Variants in ECE1 observed in about 807,000 individuals in gnomAD.
ECE1 encodes endothelin converting enzyme 1, also known as endothelin-converting enzyme 1.
ECE1 carries 35 observed loss-of-function variants against 98.6 expected under a neutral mutation model. The ratio of observed to expected loss-of-function variants is 0.35; its 90% CI spans 0.27 to 0.47. The LOEUF is 0.47. Among genes scored for constraint, ECE1 ranks in the 20% least tolerant of loss-of-function variants. The pLI is 1.00. For synonymous variants in ECE1, 394 were observed against 407.1 expected, an observed-to-expected ratio of 0.97 and a Z score of 0.39; for missense variants, 814 against 1,025.3, an observed-to-expected ratio of 0.79 and a Z score of 2.81.
chr1:21,259,921 T>C (rs2098224546), intron 5 of ECE1, among the ~76,000 whole-genome samples: 1 of 152,004 alleles, frequency 6.6e-6, no homozygotes, highest in Non-Finnish European at 1.5e-5. Flanking sequence ...ACATAACCCC[T>C]GAGGAAAAAA....
chr1:21,301,468 C>T (rs1488591401), intron 1 of ECE1, among the ~76,000 whole-genome samples: 1 of 151,836 alleles, frequency 6.6e-6, no homozygotes. Flanking sequence ...GCACTCCAGC[C>T]TGGGCGACAG....
At chr1:21,261,100 C>G (rs1193115815) in intron 4 of ECE1, among the ~76,000 whole-genome samples, 3 of 152,218 alleles carry the variant, frequency 2.0e-5, no homozygotes, top group Non-Finnish European at 1.5e-5. Flanking sequence ...ATGACCGCTT[C>G]CTGCCACTCA....
rs75379606 is a variant in ECE1, at chr1:21,263,221, T to G, written c.494-2829A>C. 2.0e-5 allele frequency among the ~76,000 whole-genome samples: 3 copies of G among 152,234 alleles called. No individual in the cohort carries two copies. The East Asian group carries it at 5.8e-4, about 29-fold the overall frequency. ...CTGCAGCCCCAGAACCAGCCCTGGA[T>G]AGGGACCTAGTAGGCCCCTAGCAAC... On this transcript the variant is annotated intron_variant, in intron 4 of 18. Transcript: ENST00000374893.
chr1:21,318,966 C>T (rs1040491672), intron 1 of ECE1, among the ~76,000 whole-genome samples: 43 of 152,204 alleles, frequency 2.8e-4, no homozygotes, highest in African/African-American at 8.7e-4. Flanking sequence ...AACTCACCCT[C>T]CCAGGAAGCC....
intron 2 of ECE1, among the ~76,000 whole-genome samples, chr1:21,281,990 T>A (rs901673293): frequency 1.3e-5 from 2 of 152,104 alleles, no homozygotes; most frequent in Non-Finnish European, 2.9e-5. Flanking sequence ...GACCTTGGTT[T>A]AAGAGGTACC....
intron 3 of ECE1, among the ~76,000 whole-genome samples, chr1:21,278,089 G>A (rs1007761273): frequency 6.6e-6 from 1 of 152,166 alleles, no homozygotes; most frequent in Non-Finnish European, 1.5e-5. Flanking sequence ...TCTCTCATGG[G>A]GTGAGCGACC....
chr1:21,337,544 T>C (rs1256168348), intron 1 of ECE1, among the ~76,000 whole-genome samples: 2 of 152,214 alleles, frequency 1.3e-5, no homozygotes, highest in Non-Finnish European at 2.9e-5. Context: ...AATTATACTA[T>C]ACCACAATTT....
At chr1:21,272,255 C>T (rs1006443440) in intron 4 of ECE1, among the ~76,000 whole-genome samples, 1 of 152,160 alleles carries the variant, frequency 6.6e-6, no homozygotes, top group African/African-American at 2.4e-5. Flanking sequence ...CCAGCTTCAC[C>T]TACTCCCAAG....
At position 21,258,448 on chromosome 1, in the gene ECE1, T is replaced by C. The variant is rs212526; in HGVS notation, c.762+245A>G. ...CAGCTGTGCCCAGGAGTTGACATCATTCTTGGGGCCCACGGAAACCCATCA... is the reference window on the plus strand; with the variant it reads ...CAGCTGTGCCCAGGAGTTGACATCACTCTTGGGGCCCACGGAAACCCATCA... On this transcript the variant is annotated intron_variant, in intron 6 of 18. Coordinates refer to ENST00000374893, the MANE Select transcript of ECE1 (RefSeq NM_001397.3). The surrounding 1 kb of genome is among the most constrained non-coding windows in gnomAD (Gnocchi z 4.2). 0.68 allele frequency among the ~76,000 whole-genome samples: 103,310 copies of C among 152,064 alleles called. 36,072 individuals are homozygous for C. Among genetic ancestry groups the C allele is most frequent in the East Asian group, 0.9 (4,634 of 5,160 alleles).
At chr1:21,297,493 C>A (rs1291566179) in intron 1 of ECE1, among the ~76,000 whole-genome samples, 1 of 151,744 alleles carries the variant, frequency 6.6e-6, no homozygotes, top group Non-Finnish European at 1.5e-5. Context: ...CTTTCAGCTC[C>A]TGGCTAGCTC....
chr1:21,288,444 A>G (rs948593441), intron 2 of ECE1, among the ~76,000 whole-genome samples: 10 of 152,260 alleles, frequency 6.6e-5, no homozygotes, highest in Admixed American at 4.6e-4. Context: ...TGAGTGGAGT[A>G]AGAACTCAAA....
intron 1 of ECE1, among the ~76,000 whole-genome samples, chr1:21,300,174 A>T (rs1638452446): frequency 6.6e-6 from 1 of 152,274 alleles, no homozygotes; most frequent in African/African-American, 2.4e-5. Flanking sequence ...GGGCTGTGGG[A>T]CACGCAGGGT....
chr1:21,235,731 A>T lies in ECE1; in HGVS notation c.1566+119T>A. The T allele has an allele frequency of 5.7e-6, 6 of 1,060,398 alleles. No homozygotes were observed. Among genetic ancestry groups the T allele is most frequent in the Non-Finnish European group, 8.8e-6 (6 of 678,956 alleles). 65.7% of individuals were successfully genotyped at this position (1,060,398 alleles called of 1,614,324 possible). On this transcript the variant is annotated intron_variant, in intron 13 of 18. Coordinates refer to ENST00000374893, the MANE Select transcript of ECE1 (RefSeq NM_001397.3). The surrounding 1 kb of genome is among the most constrained non-coding windows in gnomAD (Gnocchi z 4.2). ...CCATACCCAAGCCCCACACCACATC[A>T]TCCCTGTGTGTTTTGACAACCATGC...
chr1:21,323,480 C>A (rs920934429), intron 1 of ECE1, among the ~76,000 whole-genome samples: 1 of 152,220 alleles, frequency 6.6e-6, no homozygotes, highest in African/African-American at 2.4e-5. Flanking sequence ...TGCCTTTGGG[C>A]CAAGTGCAGT....
rs756824716 is a variant in ECE1, at chr1:21,255,994, G to A, written c.973C>T (p.Arg325Cys). The change falls in exon 8 of 19, where the codon CGT becomes TGT. Residue 325 changes from arginine (R) to cysteine (C), a missense_variant. Around this residue, in one of 3 missense-constraint regions of ECE1, gnomAD observed 105 missense variants for 179.1 expected, o/e 0.59. Coordinates refer to ENST00000374893, the MANE Select transcript of ECE1 (RefSeq NM_001397.3). ...TTGTGGTAGATGAGCTCCTCATCAC[G>A]GCGCTTCTCCTGTGGGATGGTGATG... Reference protein sequence around the residue: ...ANITIPQEKRRDEELIYHKVT... With the variant: ...ANITIPQEKRCDEELIYHKVT... The A allele has an allele frequency of 1.9e-6, 3 of 1,614,096 alleles. No homozygotes were observed. Among genetic ancestry groups the A allele is most frequent in the Non-Finnish European group, 2.5e-6 (3 of 1,179,940 alleles).
At chr1:21,266,920 A>G (rs1020488359) in intron 4 of ECE1, 2 of 152,218 alleles carry the variant, frequency 1.3e-5, no homozygotes, top group African/African-American at 4.8e-5. Flanking sequence ...GCTCCCTCCC[A>G]TCCTCACATC....
Position 21,290,294 on chromosome 1 carries a change from C to T in ECE1, c.51+70G>A. On this transcript the variant is annotated intron_variant, in intron 1 of 18. Coordinates refer to ENST00000374893, the MANE Select transcript of ECE1 (RefSeq NM_001397.3). This position sits in a 1 kb window ranked among gnomAD's most constrained non-coding sequence, Gnocchi z 7.3. Reference sequence around the variant, plus strand: ...GACACCCGAGACCGAGACCGGCCCACGGAGCGGCCCGCGCGGGGAGGGGTC... The same window carrying T: ...GACACCCGAGACCGAGACCGGCCCATGGAGCGGCCCGCGCGGGGAGGGGTC... 8.0e-7 allele frequency: 1 copy of T among 1,247,602 alleles called. No individual in the cohort carries two copies. Among genetic ancestry groups the T allele is most frequent in the Non-Finnish European group, 1.0e-6 (1 of 998,534 alleles). 77.3% of individuals were successfully genotyped at this position (1,247,602 alleles called of 1,614,324 possible). A position where few individuals can be genotyped will look rare whatever the true frequency, so the allele number is the denominator to read the frequency against.
chr1:21,289,484 G>A (rs1056696190), intron 2 of ECE1, among the ~76,000 whole-genome samples: 6 of 152,158 alleles, frequency 3.9e-5, no homozygotes, highest in Non-Finnish European at 5.9e-5. Context: ...CTGGGGAGGG[G>A]AGGAATTGGA....
At position 21,233,604 on chromosome 1, in the gene ECE1, A is replaced by G. The variant is rs2098184511; in HGVS notation, c.1624T>C (p.Trp542Arg). The G allele has an allele frequency of 6.2e-7, 1 of 1,613,964 alleles. No homozygotes were observed. The highest frequency in any genetic ancestry group is 8.5e-7 in the Non-Finnish European group (1 of 1,179,972). ...CTGAGCTGATCGGCAGTGACCCTCC[A>G]TGAGAAGTTGAAAAACCGCATGGCA... ...ENAMRFFNFSWRVTADQLRKA... is the reference protein window; with the variant it reads ...ENAMRFFNFSRRVTADQLRKA... The change falls in exon 14 of 19, where the codon TGG becomes CGG. Residue 542 changes from tryptophan (W) to arginine (R), a missense_variant. Coordinates refer to ENST00000374893, the MANE Select transcript of ECE1 (RefSeq NM_001397.3). This position sits in a 1 kb window ranked among gnomAD's most constrained non-coding sequence, Gnocchi z 4.0.
Sources: gnomAD v4.1 joint callset for allele counts (sites outside exome capture counted in the v4.1 genomes callset) on GRCh38, gnomAD v4.1.1 for gene constraint, gnomAD v4.1.1 regional missense constraint, Gnocchi (gnomAD v3.1) non-coding constraint, MANE v1.5 for transcripts, NCBI Gene and HGNC (gene_info 2026-07-23, HGNC 2026-07-21) for gene names.